Variants in C1QTNF5 observed in about 807,000 individuals in gnomAD.
C1QTNF5 encodes C1q and TNF related 5.
Under a neutral mutation model 10.9 loss-of-function variants are expected in C1QTNF5, and 5 were observed. That is an observed-to-expected ratio of 0.46 (90% CI 0.24 to 0.97). C1QTNF5 has a LOEUF of 0.97. Ranked by LOEUF, C1QTNF5 falls within the 50% of genes least tolerant of loss-of-function variation. The pLI, the probability that C1QTNF5 is intolerant of heterozygous loss-of-function variation, is 0.19. For synonymous variants in C1QTNF5, 161 were observed against 156.5 expected (o/e 1.03, Z -0.22); for missense variants, 281 against 339.4 (o/e 0.83, Z 1.35).
chr11:119,342,789 G>A (rs564824660), upstream of C1QTNF5: 11 of 1,612,994 alleles, frequency 6.8e-6, no homozygotes, highest in Non-Finnish European at 6.8e-6. Context: ...TACCCCCAGA[G>A]TGTCCTGACC....
intron 1 of C1QTNF5, 43 bp from the exon 2 acceptor site, chr11:119,340,483 G>T: frequency 7.1e-7 from 1 of 1,399,022 alleles, no homozygotes; most frequent in South Asian, 1.2e-5. Flanking sequence ...AGAATCCTGG[G>T]ACCTGCCTCT....
chr11:119,339,943 G>C lies in C1QTNF5; in HGVS notation c.215-95C>G. 7.2e-7 allele frequency: 1 copy of C among 1,390,728 alleles called. No individual in the cohort carries two copies. The allele number at this position is 1,390,728 out of a possible 1,614,324, so 86.1% of individuals were successfully genotyped here. ...GGTCACCGTACCCCTCCCCGCCCCT[G>C]CCTGAGCTTCGGCCAGCGCCTCCTC... On this transcript the variant is annotated intron_variant, in intron 2 of 2. Coordinates refer to ENST00000528368, the MANE Select transcript of C1QTNF5 (RefSeq NM_001278431.2). This position sits in a 1 kb window ranked among gnomAD's most constrained non-coding sequence, Gnocchi z 5.4.
At position 119,339,652 on chromosome 11, in the gene C1QTNF5, G is replaced by A. The variant is rs1161733280; in HGVS notation, c.411C>T (p.Asp137=). 1 of 1,612,380 alleles carries A rather than the reference G, an allele frequency of 6.2e-7. No individual in the cohort carries two copies. The part of the protein sequence containing the change: ...RVLVNEQGHY[D]AVTGKFTCQV... ...GGCAGGTGAACTTGCCGGTGACGGC[G>A]TCGTAATGTCCCTGCTCGTTCACCA... The change falls in exon 3 of 3, where the codon GAC becomes GAT. Residue 137 remains aspartate (D), a synonymous_variant. Transcript: ENST00000528368. This position sits in a 1 kb window ranked among gnomAD's most constrained non-coding sequence, Gnocchi z 5.4.
At chr11:119,340,125 G>T in intron 2 of C1QTNF5, 59 bp downstream of exon 2, 1 of 1,480,050 alleles carries the variant, frequency 6.8e-7, no homozygotes, top group Non-Finnish European at 8.9e-7. Flanking sequence ...CCGGGAGCTG[G>T]AGCTGCGGCC....
At chr11:119,344,041 C>T, upstream of C1QTNF5, 2 of 1,583,882 alleles carry the variant, frequency 1.3e-6, no homozygotes, top group Non-Finnish European at 1.7e-6. Context: ...GGTCTTCTTC[C>T]CCCACTGCTG....
At chr11:119,345,641 G>A (rs1334369838), upstream of C1QTNF5, 1 of 1,613,470 alleles carries the variant, frequency 6.2e-7, no homozygotes, top group African/African-American at 1.3e-5. Flanking sequence ...AGGCTGCAGA[G>A]ATGGAGGTTA....
At chr11:119,344,934 C>A, upstream of C1QTNF5, 1 of 1,611,150 alleles carries the variant, frequency 6.2e-7, no homozygotes, top group South Asian at 1.1e-5. Flanking sequence ...ACACTGCTGT[C>A]AGAGACGAAG....
At chr11:119,346,495 C>T in the C1QTNF5 span, 2 of 1,614,112 alleles carry the variant, frequency 1.2e-6, no homozygotes, top group Non-Finnish European at 1.7e-6. Flanking sequence ...CAGAGGATGA[C>T]ATCTGAGAAG....
chr11:119,341,947 G>C (rs369711800), upstream of C1QTNF5: 3 of 1,613,816 alleles, frequency 1.9e-6, no homozygotes, highest in African/African-American at 1.3e-5. Context: ...AGCTCAGACC[G>C]AGGCACATCT....
chr11:119,346,244 C>T, the C1QTNF5 span: 1 of 1,583,704 alleles, frequency 6.3e-7, no homozygotes, highest in Non-Finnish European at 8.6e-7. Flanking sequence ...TCTCTGTCCT[C>T]CCCCAGGTCA....
chr11:119,342,119 A>C, upstream of C1QTNF5: 2 of 1,061,250 alleles, frequency 1.9e-6, no homozygotes, highest in Non-Finnish European at 1.4e-6. Flanking sequence ...GAGGATAACA[A>C]AGAGACAGGC....
chr11:119,343,826 G>T, upstream of C1QTNF5: 1 of 1,613,966 alleles, frequency 6.2e-7, no homozygotes, highest in Non-Finnish European at 8.5e-7. Flanking sequence ...CTGCCCAGGA[G>T]GCTGAAGGCC....
chr11:119,341,964 G>A (rs985358609), upstream of C1QTNF5: 11 of 1,613,732 alleles, frequency 6.8e-6, no homozygotes, highest in African/African-American at 1.3e-5. Flanking sequence ...ATCTCCACCT[G>A]GACAGGCTCA....
chr11:119,344,900 C>T (rs786205471), upstream of C1QTNF5: 2 of 1,612,680 alleles, frequency 1.2e-6, no homozygotes, highest in Non-Finnish European at 1.7e-6. Context: ...AGCCTGGTAC[C>T]AGGCATGGAA....
chr11:119,344,456 G>A (rs921250548), upstream of C1QTNF5: 16 of 1,552,526 alleles, frequency 1.0e-5, no homozygotes, highest in African/African-American at 4.1e-5. Context: ...TAGGGCTGGC[G>A]GTGATTACAG....
rs1377100762 is a variant in C1QTNF5, at chr11:119,339,287, C to T, written c.*44G>A. The T allele has an allele frequency of 6.3e-7, 1 of 1,589,566 alleles. No homozygotes were observed. Among genetic ancestry groups the T allele is most frequent in the African/African-American group, 1.3e-5 (1 of 74,184 alleles). On this transcript the variant is annotated 3_prime_UTR_variant, in exon 3 of 3. Coordinates refer to ENST00000528368, the MANE Select transcript of C1QTNF5 (RefSeq NM_001278431.2). This position sits in a 1 kb window ranked among gnomAD's most constrained non-coding sequence, Gnocchi z 5.4. ...GATGACCTGGTTGTCAGCCTCACAC[C>T]CTCCTTCTAGGAGTGAGAGCATGAG...
upstream of C1QTNF5, chr11:119,342,123 G>C: frequency 1.2e-5 from 12 of 1,042,998 alleles, no homozygotes; most frequent in South Asian, 1.6e-4. Flanking sequence ...ATAACAAAGA[G>C]ACAGGCTGTA....
upstream of C1QTNF5, chr11:119,345,522 T>C (rs1481047096): frequency 2.5e-6 from 4 of 1,614,062 alleles, no homozygotes; most frequent in African/African-American, 2.7e-5. Flanking sequence ...CTGTATTGCA[T>C]GGTCTGTGGC....
intron 2 of C1QTNF5, 119 bp downstream of exon 2, chr11:119,340,065 G>A: frequency 7.5e-7 from 1 of 1,327,850 alleles, no homozygotes; most frequent in Non-Finnish European, 9.8e-7. Context: ...GCTCAGGGCT[G>A]CAAAGCGCGG....
Sources: gnomAD v4.1 joint callset for allele counts on GRCh38, gnomAD v4.1.1 for gene constraint, Gnocchi (gnomAD v3.1) non-coding constraint, MANE v1.5 for transcripts, NCBI Gene and HGNC (gene_info 2026-07-23, HGNC 2026-07-21) for gene names.